FBXO11: variants seen among roughly 807,000 people sequenced by gnomAD.
The protein encoded by FBXO11 is F-box only protein 11.
Under a neutral mutation model 117.0 loss-of-function variants are expected in FBXO11, and 13 were observed. The ratio of observed to expected loss-of-function variants is 0.11; its 90% CI spans 0.07 to 0.18. The LOEUF (loss-of-function observed/expected upper bound fraction) is 0.18. Among genes scored for constraint, FBXO11 ranks in the 10% least tolerant of loss-of-function variants. FBXO11 has a pLI of 1.00. For synonymous variants in FBXO11, 490 were observed against 380.5 expected, an observed-to-expected ratio of 1.29 and a Z score of -3.35; for missense variants, 767 against 1,164.4, an observed-to-expected ratio of 0.66 and a Z score of 4.97.
At chr2:47,898,885 T>C (rs1345611846) in intron 1 of FBXO11, among the ~76,000 whole-genome samples, 1 of 152,094 alleles carries the variant, frequency 6.6e-6, no homozygotes. Flanking sequence ...AATTTTGAAA[T>C]TTTTTTGCTA....
At chr2:47,854,863 GTTTTT>G (rs62781561) in intron 1 of FBXO11, among the ~76,000 whole-genome samples, 1 of 143,210 alleles carries the variant, frequency 7.0e-6, no homozygotes, top group East Asian at 2.0e-4. Flanking sequence ...TTTTTTTTTT[GTTTTT>G]TTTTTTAGTG....
At chr2:47,852,281 C>T (rs569741246) in intron 1 of FBXO11, among the ~76,000 whole-genome samples, 3 of 152,110 alleles carry the variant, frequency 2.0e-5, no homozygotes, top group Admixed American at 6.6e-5. Context: ...TGAGCCACTG[C>T]GTCTGGCCAG....
chr2:47,826,269 G>A (rs1388650679), intron 11 of FBXO11, among the ~76,000 whole-genome samples: 1 of 151,602 alleles, frequency 6.6e-6, no homozygotes. Context: ...ATGTCAGCCA[G>A]GATGGTCTCG....
Position 47,807,081 on chromosome 2 carries a change from C to CTGTT in FBXO11, c.*1033_*1036dup, listed in dbSNP as rs1366489404. 1.5e-5 allele frequency: 8 copies of CTGTT among 537,840 alleles called. No homozygotes were observed. The highest frequency in any genetic ancestry group is 3.3e-5 in the Admixed American group (1 of 30,134). The allele number at this position is 537,840 out of a possible 1,614,324, so 33.3% of individuals were successfully genotyped here. A position where few individuals can be genotyped will look rare whatever the true frequency, so the allele number is the denominator to read the frequency against. On this transcript the variant is annotated 3_prime_UTR_variant, in exon 23 of 23. Transcript: ENST00000403359. ...TATGGTACATGCATACACTTTCAGG[C>CTGTT]TGTTTTATACCCACTGTCACCAATA...
chr2:47,890,848 T>A (rs2103978265), intron 1 of FBXO11, among the ~76,000 whole-genome samples: 1 of 152,220 alleles, frequency 6.6e-6, no homozygotes, highest in Non-Finnish European at 1.5e-5. Context: ...GACACAGTCT[T>A]GCTCTATTGC....
chr2:47,825,526 T>C (rs2104754767), intron 11 of FBXO11, among the ~76,000 whole-genome samples: 1 of 151,622 alleles, frequency 6.6e-6, no homozygotes, highest in African/African-American at 2.4e-5. Flanking sequence ...AGTCTCTCTC[T>C]GCCAAGAGTT....
At chr2:47,869,796 TA>T (rs1341254141) in intron 1 of FBXO11, among the ~76,000 whole-genome samples, 1 of 152,234 alleles carries the variant, frequency 6.6e-6, no homozygotes, top group Non-Finnish European at 1.5e-5. Flanking sequence ...CTTTTGGTCA[TA>T]AACAGGATAG....
intron 1 of FBXO11, among the ~76,000 whole-genome samples, chr2:47,885,861 C>A (rs1030978616): frequency 2.0e-5 from 3 of 152,206 alleles, no homozygotes; most frequent in South Asian, 4.1e-4. Context: ...TTTCCCCCTC[C>A]TTTCCTCTAT....
Position 47,905,787 on chromosome 2 carries a change from G to T in FBXO11, c.-67C>A, listed in dbSNP as rs562654629. The T allele has an allele frequency of 1.3e-3, 1,651 of 1,258,928 alleles. 5 individuals are homozygous for T. Among genetic ancestry groups the T allele is most frequent in the Admixed American group, 2.2e-3 (91 of 41,806 alleles). 78.0% of individuals were successfully genotyped at this position (1,258,928 alleles called of 1,614,324 possible). A position where few individuals can be genotyped will look rare whatever the true frequency, so the allele number is the denominator to read the frequency against. On this transcript the variant is annotated 5_prime_UTR_variant, in exon 1 of 23. Coordinates refer to ENST00000403359, the MANE Select transcript of FBXO11 (RefSeq NM_001190274.2). ...ACGCACACGCACAGCGAGCTTCGGGGCAGGAGAAAGGGGTGGGGAGAGTGG... is the reference window on the plus strand; with the variant it reads ...ACGCACACGCACAGCGAGCTTCGGGTCAGGAGAAAGGGGTGGGGAGAGTGG...
At chr2:47,834,734 G>A (rs747912180) in intron 6 of FBXO11, 23 bp from the exon 7 acceptor site, 1 of 1,609,886 alleles carries the variant, frequency 6.2e-7, no homozygotes, top group Admixed American at 1.7e-5. Flanking sequence ...AAATGTGTCA[G>A]TACAGAACTG....
intron 1 of FBXO11, among the ~76,000 whole-genome samples, chr2:47,885,570 G>A (rs1313624140): frequency 2.0e-5 from 3 of 151,538 alleles, no homozygotes; most frequent in Admixed American, 6.6e-5. Context: ...GGGAGACTCA[G>A]TCTCAAAAAA....
At chr2:47,890,740 G>C (rs2103977351) in intron 1 of FBXO11, among the ~76,000 whole-genome samples, 1 of 152,108 alleles carries the variant, frequency 6.6e-6, no homozygotes, top group East Asian at 1.9e-4. Context: ...GGAGGCAGAG[G>C]TTGCAGTGAG....
At chr2:47,904,697 T>TG (rs944254837) in intron 1 of FBXO11, among the ~76,000 whole-genome samples, 1 of 148,234 alleles carries the variant, frequency 6.7e-6, no homozygotes, top group African/African-American at 2.5e-5. Context: ...CACCGCGGCA[T>TG]GGGGGGTCGC....
At chr2:47,818,928 C>A (rs1024267349) in intron 15 of FBXO11, 28 bp downstream of exon 15, 1 of 1,595,788 alleles carries the variant, frequency 6.3e-7, no homozygotes, top group African/African-American at 1.4e-5. Context: ...CAATGTATTT[C>A]CCATCCAAGA....
chr2:47,829,671 A>C (rs1373584671), intron 11 of FBXO11, among the ~76,000 whole-genome samples: 1 of 152,176 alleles, frequency 6.6e-6, no homozygotes, highest in Non-Finnish European at 1.5e-5. Context: ...ATTATTCCTA[A>C]TTATTGAGGA....
At chr2:47,817,696 T>G (rs1035560951) in intron 16 of FBXO11, among the ~76,000 whole-genome samples, 1 of 152,224 alleles carries the variant, frequency 6.6e-6, no homozygotes, top group Non-Finnish European at 1.5e-5. Context: ...ATTTCGATAC[T>G]GTTGTGTCTC....
At chr2:47,886,483 G>C (rs1676857220) in intron 1 of FBXO11, among the ~76,000 whole-genome samples, 1 of 147,604 alleles carries the variant, frequency 6.8e-6, no homozygotes, top group Non-Finnish European at 1.5e-5. Context: ...TCCAGCATGG[G>C]AGACAGAGCG....
intron 18 of FBXO11, chr2:47,812,806 G>T: frequency 4.5e-6 from 1 of 224,046 alleles, no homozygotes. Flanking sequence ...GGCACATCTT[G>T]GCTTCATTAA....
At chr2:47,836,759 T>C (rs1489781139) in intron 4 of FBXO11, among the ~76,000 whole-genome samples, 2 of 152,222 alleles carry the variant, frequency 1.3e-5, no homozygotes, top group African/African-American at 4.8e-5. Flanking sequence ...AAAAACATCA[T>C]GATTATCACT....
Sources: gnomAD v4.1 joint callset for allele counts (sites outside exome capture counted in the v4.1 genomes callset) on GRCh38, gnomAD v4.1.1 for gene constraint, MANE v1.5 for transcripts, NCBI Gene and HGNC (gene_info 2026-07-23, HGNC 2026-07-21) for gene names.